The following EIF4E variants were observed in gnomAD, a reference collection of about 807,000 sequenced individuals.
EIF4E encodes eukaryotic translation initiation factor 4E.
For synonymous variants in EIF4E, 71 were observed against 88.5 expected, an observed-to-expected ratio of 0.80 and a Z score of 1.11; for missense variants, 113 against 265.6, an observed-to-expected ratio of 0.43 and a Z score of 3.99.
intron 1 of EIF4E, among the ~76,000 whole-genome samples, chr4:98,918,224 T>G (rs1725478960): frequency 6.7e-6 from 1 of 149,902 alleles, no homozygotes; most frequent in South Asian, 2.1e-4. Flanking sequence ...ATTAGCTGGA[T>G]GTGGTGGTGG....
chr4:98,920,845 A>G (rs1725615337), intron 1 of EIF4E, among the ~76,000 whole-genome samples: 1 of 152,324 alleles, frequency 6.6e-6, no homozygotes, highest in East Asian at 1.9e-4. Context: ...TCTTTCAGTT[A>G]GAATTTTACA....
chr4:98,909,865 T>A, intron 1 of EIF4E: 1 of 652,842 alleles, frequency 1.5e-6, no homozygotes, highest in Non-Finnish European at 2.8e-6. Context: ...CCAAGCGCCA[T>A]GAGAAGGGTG....
At chr4:98,881,313 T>G (rs1326534998) in intron 6 of EIF4E, among the ~76,000 whole-genome samples, 171 bp from the exon 7 acceptor site, 1 of 152,132 alleles carries the variant, frequency 6.6e-6, no homozygotes, top group African/African-American at 2.4e-5. Flanking sequence ...TACTCTTCAT[T>G]TTTGCGATAT....
At position 98,887,235 on chromosome 4, in the gene EIF4E, T is replaced by G. The variant is rs1723960057; in HGVS notation, c.286-43A>C. Reference sequence around the variant, plus strand: ...AACAGTATTACACAACATTGTTACCTTGACTTTGAGAGATAATCATTAGAA... The same window carrying G: ...AACAGTATTACACAACATTGTTACCGTGACTTTGAGAGATAATCATTAGAA... On this transcript the variant is annotated intron_variant, in intron 4 of 6. Transcript: ENST00000450253. This position sits in a 1 kb window ranked among gnomAD's most constrained non-coding sequence, Gnocchi z 4.0. The G allele has an allele frequency of 6.3e-7, 1 of 1,585,442 alleles. No homozygotes were observed. The highest frequency in any genetic ancestry group is 8.7e-7 in the Non-Finnish European group (1 of 1,154,366).
chr4:98,929,103 C>A lies in EIF4E; in HGVS notation c.10G>T (p.Val4Phe), dbSNP rs750575002. 33 of 1,579,844 alleles carry A rather than the reference C, an allele frequency of 2.1e-5. No individual in the cohort carries two copies. The highest frequency in any genetic ancestry group is 2.2e-5 in the Non-Finnish European group (25 of 1,162,694). The change falls in exon 1 of 7, where the codon GTC (valine) becomes TTC (phenylalanine). Residue 4 changes from valine (V) to phenylalanine (F), a missense_variant. By Grantham distance (50) the Val-to-Phe change is conservative. Transcript: ENST00000450253. The stretch of plus-strand genomic sequence containing the variant: ...CCAAAGGCAATACTCACCGGTTCGA[C>A]AGTCGCCATCTTAGATCGATCTGAT... MAT[V>F]EPETTPTPNP... is the part of the protein sequence containing the mutation.
chr4:98,908,982 G>A (rs1181808591), intron 1 of EIF4E, among the ~76,000 whole-genome samples: 2 of 152,168 alleles, frequency 1.3e-5, no homozygotes, highest in African/African-American at 4.8e-5. Flanking sequence ...AAATTATATG[G>A]TTACAAAGAT....
intron 2 of EIF4E, among the ~76,000 whole-genome samples, chr4:98,897,318 T>C (rs7660937): frequency 0.47 from 70,205 of 150,330 alleles, 17,864 homozygotes; most frequent in African/African-American, 0.68. Context: ...CACCTGTAAT[T>C]CTAGCACTTT....
Position 98,879,493 on chromosome 4 carries a change from G to A in EIF4E, c.*1535C>T, listed in dbSNP as rs141009476. ...CTATGTACAAAACATTTTCAAGTTTGCTTTCAAATGATACCTACAAAGAGT... is the reference window on the plus strand; with the variant it reads ...CTATGTACAAAACATTTTCAAGTTTACTTTCAAATGATACCTACAAAGAGT... On this transcript the variant is annotated 3_prime_UTR_variant, in exon 7 of 7. Coordinates refer to ENST00000450253, the MANE Select transcript of EIF4E (RefSeq NM_001968.5). 1.5e-4 allele frequency: 23 copies of A among 152,182 alleles called. No homozygotes were observed. In the East Asian group the frequency reaches 4.3e-3, roughly 28 times the overall value. The allele number at this position is 152,182 out of a possible 1,614,324, so 9.4% of individuals were successfully genotyped here.
chr4:98,884,489 G>C (rs1364494156), intron 6 of EIF4E, among the ~76,000 whole-genome samples: 1 of 152,088 alleles, frequency 6.6e-6, no homozygotes, highest in Non-Finnish European at 1.5e-5. Flanking sequence ...GATCACTTGA[G>C]ACCAAAAGTT....
intron 1 of EIF4E, among the ~76,000 whole-genome samples, chr4:98,921,178 T>A (rs190145025): frequency 6.6e-5 from 10 of 152,284 alleles, no homozygotes; most frequent in African/African-American, 2.4e-4. Context: ...CTATAAAGTA[T>A]TCATTTATTC....
At chr4:98,909,900 G>A in intron 1 of EIF4E, 1 of 582,024 alleles carries the variant, frequency 1.7e-6, no homozygotes, top group African/African-American at 1.9e-5. Flanking sequence ...GGTAATCATG[G>A]AGGAGGCGGC....
chr4:98,908,008 G>A (rs894418280), intron 1 of EIF4E, among the ~76,000 whole-genome samples: 11 of 152,114 alleles, frequency 7.2e-5, no homozygotes, highest in African/African-American at 2.7e-4. Flanking sequence ...ATTTTAAGAT[G>A]AGGAAAAAAT....
intron 1 of EIF4E, among the ~76,000 whole-genome samples, chr4:98,906,432 G>T (rs987235653): frequency 1.3e-5 from 2 of 152,164 alleles, no homozygotes; most frequent in South Asian, 2.1e-4. Flanking sequence ...TGACAATTTT[G>T]TATCTGCTGA....
At chr4:98,892,261 C>T (rs888952120) in intron 2 of EIF4E, among the ~76,000 whole-genome samples, 3 of 140,106 alleles carry the variant, frequency 2.1e-5, no homozygotes, top group African/African-American at 8.3e-5. Context: ...CAGGAGGCTA[C>T]GGTGAGCTGA....
chr4:98,915,545 C>CTTTTTT (rs879404692), intron 1 of EIF4E, among the ~76,000 whole-genome samples: 1 of 144,436 alleles, frequency 6.9e-6, no homozygotes, highest in African/African-American at 2.6e-5. Context: ...TTGTAAATTA[C>CTTTTTT]TTTTTTTTTT....
intron 1 of EIF4E, among the ~76,000 whole-genome samples, chr4:98,912,878 T>G (rs996080684): frequency 5.3e-5 from 8 of 152,294 alleles, no homozygotes; most frequent in South Asian, 2.1e-4. Flanking sequence ...TCTTTACATG[T>G]CACAGTTCAA....
intron 1 of EIF4E, among the ~76,000 whole-genome samples, chr4:98,914,658 T>C (rs182855462): frequency 6.6e-6 from 1 of 152,220 alleles, no homozygotes; most frequent in Non-Finnish European, 1.5e-5. Flanking sequence ...AGAGGATTTT[T>C]AGGGCTTAGT....
chr4:98,890,807 G>A (rs1034678780), intron 3 of EIF4E: 13 of 181,710 alleles, frequency 7.2e-5, no homozygotes, highest in Non-Finnish European at 1.3e-4. Context: ...CGTGAATTCT[G>A]AACACTTCAG....
Position 98,892,333 on chromosome 4 carries a change from A to C in EIF4E, c.126-1001T>G, listed in dbSNP as rs1386121936. ...CGAAATTCCATCTCAAAAAACAAAA[A>C]AACAAACAAAAAAAAAAAACAAAAA... On this transcript the variant is annotated intron_variant, in intron 2 of 6. Coordinates refer to ENST00000450253, the MANE Select transcript of EIF4E (RefSeq NM_001968.5). 1.7e-4 allele frequency among the ~76,000 whole-genome samples: 26 copies of C among 149,186 alleles called. 1 individual carries two copies. Among genetic ancestry groups the C allele is most frequent in the African/African-American group, 6.2e-4 (25 of 40,426 alleles).
Sources: allele counts gnomAD v4.1 joint callset (sites outside exome capture counted in the v4.1 genomes callset), GRCh38; gene constraint gnomAD v4.1.1; non-coding constraint Gnocchi (gnomAD v3.1); transcripts MANE v1.5; gene names NCBI Gene and HGNC (gene_info 2026-07-23, HGNC 2026-07-21).